The following EGFLAM variants were observed in gnomAD, a reference collection of about 807,000 sequenced individuals.
The protein encoded by EGFLAM is pikachurin.
A neutral mutation model predicts 113.1 loss-of-function variants in EGFLAM; 79 were observed. The observed-to-expected ratio is 0.70, with a 90% CI of 0.58 to 0.84. The LOEUF (loss-of-function observed/expected upper bound fraction) is 0.84, where lower values mean the gene tolerates loss of function less well. EGFLAM is among the 40% of genes least tolerant of loss of function. The probability of loss-of-function intolerance (pLI) is 0.00; values close to 1 mark genes in which losing one functional copy is unlikely to be tolerated. For synonymous variants in EGFLAM, 504 were observed against 487.6 expected, an observed-to-expected ratio of 1.03 and a Z score of -0.44; for missense variants, 1,265 against 1,291.6, an observed-to-expected ratio of 0.98 and a Z score of 0.32.
intron 1 of EGFLAM, among the ~76,000 whole-genome samples, chr5:38,289,753 G>C (rs1432533158): frequency 3.9e-5 from 6 of 152,124 alleles, no homozygotes; most frequent in Non-Finnish European, 7.3e-5. Context: ...ATGAAGACTA[G>C]GGATATACAA....
chr5:38,377,408 T>G (rs1183398391), intron 6 of EGFLAM, among the ~76,000 whole-genome samples: 1 of 152,204 alleles, frequency 6.6e-6, no homozygotes. Flanking sequence ...CCTCCCAAAG[T>G]GCTGGGATTA....
chr5:38,400,507 T>G (rs1343432168), intron 6 of EGFLAM, among the ~76,000 whole-genome samples: 1 of 152,192 alleles, frequency 6.6e-6, no homozygotes, highest in African/African-American at 2.4e-5. Context: ...TTCTTATCAC[T>G]GGCTTGGACC....
At chr5:38,448,167 C>A in intron 17 of EGFLAM, 134 bp from the exon 18 acceptor site, 1 of 955,194 alleles carries the variant, frequency 1.0e-6, no homozygotes, top group Non-Finnish European at 1.6e-6. Context: ...AATATGCGTG[C>A]AGCCGAAGGG....
chr5:38,408,077 C>T (rs1238454170), intron 9 of EGFLAM, among the ~76,000 whole-genome samples, 172 bp downstream of exon 9: 2 of 152,144 alleles, frequency 1.3e-5, no homozygotes, highest in East Asian at 1.9e-4. Context: ...ATGAAGAGTA[C>T]ATTCACAACA....
At chr5:38,350,742 G>C in intron 4 of EGFLAM, 124 bp downstream of exon 4, 4 of 889,912 alleles carry the variant, frequency 4.5e-6, no homozygotes, top group Admixed American at 2.7e-5. Flanking sequence ...ATTCAGTAGA[G>C]AACAAAAGTA....
At chr5:38,375,065 T>G (rs1395983480) in intron 6 of EGFLAM, among the ~76,000 whole-genome samples, 1 of 151,254 alleles carries the variant, frequency 6.6e-6, no homozygotes, top group Non-Finnish European at 1.5e-5. Flanking sequence ...TTGTTGTTTT[T>G]TTTTTTTTTT....
At chr5:38,446,334 C>T (rs1381247939) in intron 17 of EGFLAM, among the ~76,000 whole-genome samples, 5 of 152,060 alleles carry the variant, frequency 3.3e-5, no homozygotes, top group African/African-American at 7.2e-5. Flanking sequence ...TTCTGTTTCC[C>T]GTCCTTCCTT....
At chr5:38,266,798 A>C (rs1757644192) in intron 1 of EGFLAM, among the ~76,000 whole-genome samples, 1 of 152,330 alleles carries the variant, frequency 6.6e-6, no homozygotes, top group Non-Finnish European at 1.5e-5. Flanking sequence ...AGAATTATCC[A>C]AACTGATATG....
At chr5:38,425,471 C>T (rs1741972678) in intron 13 of EGFLAM, among the ~76,000 whole-genome samples, 1 of 152,146 alleles carries the variant, frequency 6.6e-6, no homozygotes, top group Non-Finnish European at 1.5e-5. Flanking sequence ...CAGGCCTCAT[C>T]AATGTACTTT....
At chr5:38,315,982 C>A (rs1011021601) in intron 1 of EGFLAM, among the ~76,000 whole-genome samples, 2 of 149,750 alleles carry the variant, frequency 1.3e-5, no homozygotes, top group Admixed American at 1.3e-4. Context: ...GAGGTTGAGG[C>A]AGGATAATTG....
At chr5:38,332,521 A>G (rs1739072836) in intron 1 of EGFLAM, among the ~76,000 whole-genome samples, 1 of 152,200 alleles carries the variant, frequency 6.6e-6, no homozygotes, top group Non-Finnish European at 1.5e-5. Context: ...TGAATTAAAT[A>G]CACGCACACA....
chr5:38,440,153 A>G (rs1181735305), intron 17 of EGFLAM, among the ~76,000 whole-genome samples: 1 of 152,218 alleles, frequency 6.6e-6, no homozygotes, highest in Non-Finnish European at 1.5e-5. Context: ...GGAATGGATG[A>G]CGGCAGAGGG....
chr5:38,270,786 C>T (rs535475755), intron 1 of EGFLAM, among the ~76,000 whole-genome samples: 69 of 152,200 alleles, frequency 4.5e-4, no homozygotes, highest in Admixed American at 1.1e-3. Flanking sequence ...GAAGATATAC[C>T]TGCAAAAGTA....
intron 19 of EGFLAM, 121 bp downstream of exon 19, chr5:38,451,579 A>G: frequency 1.4e-6 from 2 of 1,397,902 alleles, no homozygotes; most frequent in Non-Finnish European, 1.9e-6. Flanking sequence ...TGAAGCCTGA[A>G]GCTTCAAGGC....
chr5:38,286,149 A>C (rs989969423), intron 1 of EGFLAM: 1 of 152,198 alleles, frequency 6.6e-6, no homozygotes, highest in African/African-American at 2.4e-5. Context: ...ATTATATGCC[A>C]GCTGCATTTC....
chr5:38,433,586 C>G (rs1319263631), intron 15 of EGFLAM, among the ~76,000 whole-genome samples: 1 of 152,344 alleles, frequency 6.6e-6, no homozygotes, highest in African/African-American at 2.4e-5. Flanking sequence ...CCAAAAGGAA[C>G]TGCTCCTCAC....
Position 38,352,517 on chromosome 5 carries a change from C to T in EGFLAM, c.545+186C>T, listed in dbSNP as rs542740455. ...CAAAAATTAGCTGGGCGTGATGGCA[C>T]GTGCCTGTAGTCTCAGCTACTCAGG... On this transcript the variant is annotated intron_variant, in intron 5 of 21. Transcript: ENST00000322350. 2.6e-5 allele frequency among the ~76,000 whole-genome samples: 4 copies of T among 152,042 alleles called. No individual in the cohort carries two copies. The East Asian group carries it at 5.8e-4, about 22-fold the overall frequency.
intron 4 of EGFLAM, 151 bp from the exon 5 acceptor site, chr5:38,352,045 A>G: frequency 9.5e-7 from 1 of 1,053,112 alleles, no homozygotes; most frequent in Non-Finnish European, 1.4e-6. Flanking sequence ...GGCTGTTCTG[A>G]ACAGAGATAT....
intron 6 of EGFLAM, among the ~76,000 whole-genome samples, chr5:38,390,832 A>T (rs953991077): frequency 6.6e-6 from 1 of 152,080 alleles, no homozygotes; most frequent in African/African-American, 2.4e-5. Flanking sequence ...ATACCCATGT[A>T]TATCAATTAT....
Sources: gnomAD v4.1 joint callset for allele counts (sites outside exome capture counted in the v4.1 genomes callset) on GRCh38, gnomAD v4.1.1 for gene constraint, MANE v1.5 for transcripts, NCBI Gene and HGNC (gene_info 2026-07-23, HGNC 2026-07-21) for gene names.